Variants in LRRC7 observed in about 807,000 individuals in gnomAD.
LRRC7 encodes the protein leucine-rich repeat-containing protein 7.
In LRRC7, 23 loss-of-function variants were observed where a neutral mutation model predicts 175.7. The ratio of observed to expected loss-of-function variants is 0.13; its 90% CI spans 0.09 to 0.19. The LOEUF is 0.19. LRRC7 is among the 10% of genes least tolerant of loss of function. LRRC7 has a pLI of 1.00. For synonymous variants in LRRC7, 685 were observed against 680.9 expected (o/e 1.01, Z -0.09); for missense variants, 1,354 against 1,904.7 (o/e 0.71, Z 5.38).
At chr1:70,121,680 C>G in intron 26 of LRRC7, 100 bp from the exon 27 acceptor site, 2 of 731,090 alleles carry the variant, frequency 2.7e-6, no homozygotes, top group Non-Finnish European at 4.5e-6. Context: ...AAACTGACAA[C>G]TTTTTGTTGC....
chr1:69,886,330 G>C (rs1570501942), intron 7 of LRRC7, among the ~76,000 whole-genome samples: 1 of 150,244 alleles, frequency 6.7e-6, no homozygotes, highest in Admixed American at 6.6e-5. Flanking sequence ...ATTTAGGATA[G>C]TTAGCTCTTC....
intron 8 of LRRC7, among the ~76,000 whole-genome samples, chr1:69,936,718 C>A (rs188429404): frequency 2.0e-5 from 3 of 152,208 alleles, no homozygotes; most frequent in Non-Finnish European, 4.4e-5. Flanking sequence ...CACCCTCCTC[C>A]TACCCTCCAC....
intron 2 of LRRC7, among the ~76,000 whole-genome samples, chr1:69,730,913 C>T (rs1393922286): frequency 6.6e-6 from 1 of 152,110 alleles, no homozygotes; most frequent in African/African-American, 2.4e-5. Flanking sequence ...CCTCAGAAAA[C>T]TTACAATCAT....
chr1:69,805,596 C>T (rs1677023324), intron 4 of LRRC7, among the ~76,000 whole-genome samples: 2 of 151,878 alleles, frequency 1.3e-5, no homozygotes, highest in African/African-American at 2.4e-5. Flanking sequence ...ACTTCTTTCA[C>T]TTTAAGACTA....
intron 7 of LRRC7, chr1:69,879,950 T>C (rs903726797): frequency 6.6e-6 from 1 of 152,240 alleles, no homozygotes; most frequent in African/African-American, 2.4e-5. Context: ...TGTTTGCTGC[T>C]GTTAAAGTAA....
intron 25 of LRRC7, among the ~76,000 whole-genome samples, chr1:70,091,201 C>A (rs968062226): frequency 2.0e-5 from 3 of 152,024 alleles, no homozygotes; most frequent in African/African-American, 7.2e-5. Flanking sequence ...GTTGAGGATA[C>A]CATTGATTTA....
chr1:69,925,715 G>A (rs181423208), intron 7 of LRRC7, among the ~76,000 whole-genome samples: 23 of 151,976 alleles, frequency 1.5e-4, no homozygotes, highest in South Asian at 4.2e-4. Flanking sequence ...TCTTGCTAGC[G>A]GTCTATCAAT....
chr1:70,140,718 G>C lies in LRRC7; in HGVS notation c.*18831G>C, dbSNP rs1440215974. 1 of 151,928 alleles carries C rather than the reference G, an allele frequency of 6.6e-6. No homozygotes were observed. Among genetic ancestry groups the C allele is most frequent in the Non-Finnish European group, 1.5e-5 (1 of 67,996 alleles). The allele number at this position is 151,928 out of a possible 1,614,324, so 9.4% of individuals were successfully genotyped here. On this transcript the variant is annotated 3_prime_UTR_variant, in exon 27 of 27. Transcript: ENST00000651989. ...ATTTTCCACCTTATTCCCAAACCAG[G>C]CTTGAGAAAAAAAGCATTCAAGGGC...
chr1:69,963,973 T>A (rs1651398072), intron 8 of LRRC7, among the ~76,000 whole-genome samples: 1 of 152,206 alleles, frequency 6.6e-6, no homozygotes. Context: ...ATCTTTAGTA[T>A]CTGATCTCCT....
intron 25 of LRRC7, among the ~76,000 whole-genome samples, chr1:70,101,633 T>G (rs891620696): frequency 1.8e-4 from 27 of 152,346 alleles, no homozygotes; most frequent in African/African-American, 6.5e-4. Flanking sequence ...ATCTTAACAA[T>G]GCAAGAAGCC....
chr1:70,016,864 G>A (rs1657006208), intron 14 of LRRC7, among the ~76,000 whole-genome samples: 1 of 151,890 alleles, frequency 6.6e-6, no homozygotes, highest in South Asian at 2.1e-4. Context: ...TATCTCTGAA[G>A]GTAAAGAATA....
Position 70,137,760 on chromosome 1 carries a change from A to G in LRRC7, c.*15873A>G, listed in dbSNP as rs1425842163. Reference sequence around the variant, plus strand: ...CATGGCCTATCCAGCCAGAGCCTTCAATTAAGAGTTCTCCAATGTTGACAA... The same window carrying G: ...CATGGCCTATCCAGCCAGAGCCTTCGATTAAGAGTTCTCCAATGTTGACAA... On this transcript the variant is annotated 3_prime_UTR_variant, in exon 27 of 27. Coordinates refer to ENST00000651989, the MANE Select transcript of LRRC7 (RefSeq NM_001370785.2). Among the ~76,000 whole-genome samples, 1 of 152,264 alleles carries G rather than the reference A, an allele frequency of 6.6e-6. No individual in the cohort carries two copies. Among genetic ancestry groups the G allele is most frequent in the East Asian group, 1.9e-4 (1 of 5,202 alleles).
chr1:69,879,337 T>G (rs1252551949), intron 7 of LRRC7, among the ~76,000 whole-genome samples: 1 of 151,642 alleles, frequency 6.6e-6, no homozygotes, highest in Non-Finnish European at 1.5e-5. Context: ...GACAAAAATT[T>G]CCAGGCCTAA....
intron 1 of LRRC7, among the ~76,000 whole-genome samples, chr1:69,649,307 T>C (rs1443388691): frequency 2.6e-5 from 4 of 152,196 alleles, no homozygotes; most frequent in African/African-American, 9.7e-5. Flanking sequence ...TCTCAAATTG[T>C]TAGTTCTTGT....
chr1:69,690,801 G>A (rs1661761958), intron 2 of LRRC7, among the ~76,000 whole-genome samples: 1 of 152,144 alleles, frequency 6.6e-6, no homozygotes, highest in Non-Finnish European at 1.5e-5. Context: ...CTGAAGTTCT[G>A]GGCTGGGCTT....
At chr1:69,625,571 T>C (rs1651383314) in intron 1 of LRRC7, among the ~76,000 whole-genome samples, 1 of 150,472 alleles carries the variant, frequency 6.6e-6, no homozygotes, top group South Asian at 2.1e-4. Flanking sequence ...TGATTACTTA[T>C]ATCCAGACTT....
At chr1:69,650,333 G>T (rs1056182899) in intron 1 of LRRC7, among the ~76,000 whole-genome samples, 1 of 151,856 alleles carries the variant, frequency 6.6e-6, no homozygotes, top group African/African-American at 2.4e-5. Context: ...GAAGTCAGGA[G>T]ATCGAGACCA....
At chr1:70,012,038 A>G (rs1656559801) in intron 12 of LRRC7, 112 bp downstream of exon 12, 3 of 638,728 alleles carry the variant, frequency 4.7e-6, no homozygotes, top group Admixed American at 3.1e-5. Flanking sequence ...GTGAATATAT[A>G]TAGGAATTAT....
chr1:69,922,145 C>T (rs1391168937), intron 7 of LRRC7, among the ~76,000 whole-genome samples: 1 of 152,074 alleles, frequency 6.6e-6, no homozygotes, highest in African/African-American at 2.4e-5. Context: ...AGGCTGGTCT[C>T]GAACTCCTGA....
Sources: gnomAD v4.1 joint callset for allele counts (sites outside exome capture counted in the v4.1 genomes callset) on GRCh38, gnomAD v4.1.1 for gene constraint, MANE v1.5 for transcripts, NCBI Gene and HGNC (gene_info 2026-07-23, HGNC 2026-07-21) for gene names.